The following SEMA6A variants were observed in gnomAD, a reference collection of about 807,000 sequenced individuals.
The protein encoded by SEMA6A is semaphorin 6A.
In SEMA6A, 25 loss-of-function variants were observed where a neutral mutation model predicts 96.8. That is an observed-to-expected ratio of 0.26 (90% CI 0.19 to 0.36). The LOEUF (loss-of-function observed/expected upper bound fraction) is 0.36. Ranked by LOEUF, SEMA6A falls within the 10% of genes least tolerant of loss-of-function variation. SEMA6A has a pLI of 1.00. For synonymous variants in SEMA6A, 612 were observed against 518.0 expected (o/e 1.18, Z -2.46); for missense variants, 1,363 against 1,323.1 (o/e 1.03, Z -0.47).
chr5:116,539,716 G>C (rs1004801191), intron 1 of SEMA6A, among the ~76,000 whole-genome samples: 1 of 151,948 alleles, frequency 6.6e-6, no homozygotes, highest in Non-Finnish European at 1.5e-5. Flanking sequence ...TTCACCACTA[G>C]AATGGTTAAA....
chr5:116,519,173 A>G (rs1274478028), intron 1 of SEMA6A, among the ~76,000 whole-genome samples: 1 of 152,206 alleles, frequency 6.6e-6, no homozygotes, highest in Non-Finnish European at 1.5e-5. Context: ...CAGTCTTGCA[A>G]GATTCCCCAA....
intron 1 of SEMA6A, among the ~76,000 whole-genome samples, chr5:116,526,859 T>C (rs1443078336): frequency 6.6e-6 from 1 of 152,174 alleles, no homozygotes; most frequent in South Asian, 2.1e-4. Flanking sequence ...TGTAAGATGC[T>C]GGTATTCTTA....
Position 116,444,385 on chromosome 5 carries a change from T to A in SEMA6A, c.*2228A>T, listed in dbSNP as rs1457193456. 6.6e-6 allele frequency: 1 copy of A among 152,218 alleles called. No homozygotes were observed. The highest frequency in any genetic ancestry group is 2.4e-5 in the African/African-American group (1 of 41,442). 9.4% of individuals were successfully genotyped at this position (152,218 alleles called of 1,614,324 possible). ...GATTATGGAGGCTCCACTTTTTCAC[T>A]ATCCAACTCAAAACTGTCATTGTCA... On this transcript the variant is annotated 3_prime_UTR_variant, in exon 19 of 19. Transcript: ENST00000343348.
intron 1 of SEMA6A, among the ~76,000 whole-genome samples, chr5:116,508,675 T>G (rs996270022): frequency 6.6e-6 from 1 of 152,190 alleles, no homozygotes; most frequent in African/African-American, 2.4e-5. Flanking sequence ...CTCCAGATTT[T>G]TGACTTCTTA....
intron 7 of SEMA6A, among the ~76,000 whole-genome samples, chr5:116,489,573 A>G (rs1374809398): frequency 6.6e-6 from 1 of 152,232 alleles, no homozygotes; most frequent in Non-Finnish European, 1.5e-5. Context: ...TTGACAGTTC[A>G]CTAAACCCTC....
chr5:116,489,624 C>A (rs1757237871), intron 7 of SEMA6A, among the ~76,000 whole-genome samples: 1 of 152,202 alleles, frequency 6.6e-6, no homozygotes, highest in African/African-American at 2.4e-5. Flanking sequence ...TCCGCATCTC[C>A]AAAGTCACAA....
chr5:116,460,471 A>G (rs1232419597), intron 18 of SEMA6A, among the ~76,000 whole-genome samples: 1 of 152,228 alleles, frequency 6.6e-6, no homozygotes, highest in Non-Finnish European at 1.5e-5. Context: ...TGAGTAAGTT[A>G]TCAGTGACAT....
chr5:116,473,795 TGCTTCA>T (rs1756297078), intron 16 of SEMA6A, among the ~76,000 whole-genome samples: 1 of 152,184 alleles, frequency 6.6e-6, no homozygotes, highest in African/African-American at 2.4e-5. Flanking sequence ...AGGTAGTTCA[TGCTTCA>T]GCAGGAACAC....
chr5:116,516,302 A>G (rs564249080), intron 1 of SEMA6A, among the ~76,000 whole-genome samples: 1 of 152,184 alleles, frequency 6.6e-6, no homozygotes, highest in Non-Finnish European at 1.5e-5. Context: ...TCATCTGTGT[A>G]TGTCCAGACA....
rs776577941 is a variant in SEMA6A, at chr5:116,488,103, C to G, written c.744+5G>C. The G allele has an allele frequency of 1.3e-5, 21 of 1,586,608 alleles. No homozygotes were observed. Among genetic ancestry groups the G allele is most frequent in the Non-Finnish European group, 1.8e-5 (21 of 1,156,628 alleles). On this transcript the variant is annotated splice_donor_5th_base_variant and intron_variant, in intron 9 of 18. Coordinates refer to ENST00000343348, the MANE Select transcript of SEMA6A (RefSeq NM_020796.5). The stretch of plus-strand genomic sequence containing the variant: ...AACTGAGCCAAGGACAGCATCCCCT[C>G]TTACCTTTCCCATGGTGTTATACTC...
At chr5:116,458,635 G>C (rs1372257370) in intron 18 of SEMA6A, among the ~76,000 whole-genome samples, 2 of 151,980 alleles carry the variant, frequency 1.3e-5, no homozygotes, top group Non-Finnish European at 2.9e-5. Flanking sequence ...AAAATAAAAG[G>C]TTAGTGGTAT....
chr5:116,477,739 T>A, intron 15 of SEMA6A, 107 bp downstream of exon 15: 1 of 1,116,218 alleles, frequency 9.0e-7, no homozygotes, highest in Non-Finnish European at 1.3e-6. Flanking sequence ...TGCTGGAGTT[T>A]GCACAGAAAG....
chr5:116,474,562 C>T (rs1756355833), intron 16 of SEMA6A, among the ~76,000 whole-genome samples: 1 of 152,122 alleles, frequency 6.6e-6, no homozygotes, highest in South Asian at 2.1e-4. Flanking sequence ...GGAGATAAGT[C>T]TGCCTTTAGC....
chr5:116,486,818 G>T lies in SEMA6A; in HGVS notation c.893C>A (p.Ala298Glu), dbSNP rs774018955. 15 of 1,613,806 alleles carry T rather than the reference G, an allele frequency of 9.3e-6. No individual in the cohort carries two copies. The East Asian group carries it at 3.3e-4, about 36-fold the overall frequency. ...DSHFYFNILQ[A>E]VTDVIRINGR... ...GTTGATACGAATCACATCTGTAACT[G>T]CCTGGAGAATGTTGAAATAAAAATG... The change falls in exon 10 of 19, where the codon GCA (alanine) becomes GAA (glutamate). Residue 298 changes from alanine (A) to glutamate (E), a missense_variant. Coordinates refer to ENST00000343348, the MANE Select transcript of SEMA6A (RefSeq NM_020796.5).
intron 5 of SEMA6A, 127 bp downstream of exon 5, chr5:116,496,124 G>A (rs1197618109): frequency 8.8e-6 from 7 of 798,762 alleles, no homozygotes; most frequent in Non-Finnish European, 1.4e-5. Flanking sequence ...GTAAGTTGAT[G>A]AAAAAAGCAA....
intron 18 of SEMA6A, among the ~76,000 whole-genome samples, chr5:116,461,942 TG>T (rs1755431773): frequency 6.6e-6 from 1 of 152,178 alleles, no homozygotes. Context: ...AAAATGTTTT[TG>T]TTAACGGTAA....
chr5:116,555,451 G>T (rs1465683735), intron 1 of SEMA6A, among the ~76,000 whole-genome samples: 3 of 152,152 alleles, frequency 2.0e-5, no homozygotes, highest in African/African-American at 7.2e-5. Context: ...TGAAAATTCA[G>T]TTTATTGGTA....
At position 116,501,405 on chromosome 5, in the gene SEMA6A, T is replaced by TA. The variant is rs201873542; in HGVS notation, c.218+804dup. ...CCCCAATGGATGAGTATTTTTTTTT[T>TA]ACTAAAACCAAATAAAAACCTTCTG... is the stretch of plus-strand genomic sequence containing the variant. On this transcript the variant is annotated intron_variant, in intron 3 of 18. Transcript: ENST00000343348. 8.2e-4 allele frequency among the ~76,000 whole-genome samples: 125 copies of TA among 152,194 alleles called. No individual in the cohort carries two copies. In the East Asian group the frequency reaches 0.021, roughly 25 times the overall value.
intron 7 of SEMA6A, among the ~76,000 whole-genome samples, chr5:116,490,163 T>C (rs191246964): frequency 1.3e-5 from 2 of 152,210 alleles, no homozygotes; most frequent in African/African-American, 2.4e-5. Flanking sequence ...GATGTCTTAA[T>C]ATCTGCAATA....
Sources: allele counts gnomAD v4.1 joint callset (sites outside exome capture counted in the v4.1 genomes callset), GRCh38; gene constraint gnomAD v4.1.1; transcripts MANE v1.5; gene names NCBI Gene and HGNC (gene_info 2026-07-23, HGNC 2026-07-21).